Variants in GATA3 observed in about 807,000 individuals in gnomAD.
The protein encoded by GATA3 is trans-acting T-cell-specific transcription factor GATA-3.
In GATA3, 6 loss-of-function variants were observed where a neutral mutation model predicts 36.0. The ratio of observed to expected loss-of-function variants is 0.17; its 90% confidence interval spans 0.09 to 0.33. The LOEUF (loss-of-function observed/expected upper bound fraction) is 0.33, where lower values mean the gene tolerates loss of function less well. GATA3 is among the 10% of genes least tolerant of loss of function. GATA3 has a pLI of 1.00. For synonymous variants in GATA3, 326 were observed against 273.0 expected (o/e 1.19, Z -1.92); for missense variants, 514 against 610.1 (o/e 0.84, Z 1.66).
At position 8,058,760 on chromosome 10, in the gene GATA3, C is replaced by A. The variant is rs1564399276; in HGVS notation, c.697C>A (p.Leu233Ile). 1.2e-6 allele frequency: 2 copies of A among 1,611,214 alleles called. No homozygotes were observed. Among genetic ancestry groups the A allele is most frequent in the East Asian group, 2.2e-5 (1 of 44,842 alleles). ...PPYVPEYSSG[L>I]FPPSSLLGGS... ...CTACGTGCCCGAGTACAGCTCCGGA[C>A]TCTTCCCCCCCAGCAGCCTGCTGGG... is the stretch of plus-strand genomic sequence containing the variant. The change falls in exon 3 of 6, where the codon CTC becomes ATC. Residue 233 changes from leucine to isoleucine, a missense_variant. This residue lies in a region of GATA3 where 381 missense variants were observed against 354.3 expected (regional missense o/e 1.08). Coordinates refer to ENST00000379328, the MANE Select transcript of GATA3 (RefSeq NM_001002295.2).
chr10:8,061,089 C>CTCTCTCT (rs754738004), intron 3 of GATA3, among the ~76,000 whole-genome samples: 1 of 145,734 alleles, frequency 6.9e-6, no homozygotes, highest in Non-Finnish European at 1.5e-5. Context: ...CTCTCTCTCT[C>CTCTCTCT]TTTTTTACCC....
upstream of GATA3, chr10:8,045,338 T>A (rs1832374545): frequency 6.6e-6 from 1 of 152,440 alleles, no homozygotes; most frequent in Non-Finnish European, 1.5e-5. Context: ...AGAACGTACA[T>A]CGCCCAGGTT....
chr10:8,070,360 A>G (rs1184070234), intron 5 of GATA3, among the ~76,000 whole-genome samples: 1 of 151,032 alleles, frequency 6.6e-6, no homozygotes, highest in Non-Finnish European at 1.5e-5. Flanking sequence ...AACATATCTT[A>G]ATCTTAAAAA....
At chr10:8,057,701 G>C (rs1832664342) in intron 2 of GATA3, among the ~76,000 whole-genome samples, 1 of 152,138 alleles carries the variant, frequency 6.6e-6, no homozygotes, top group Non-Finnish European at 1.5e-5. Context: ...ACTGGGTTAG[G>C]TTTCCGGAAA....
rs2131511615 is a variant in GATA3, at chr10:8,069,488, G to C, written c.940G>C (p.Ala314Pro). ...CCACTCTCAGTCTGCAGCCAGGAGA[G>C]CAGGGACGTCCTGTGCGAACTGTCA... ...PKRRLSAARR[A>P]GTSCANCQTT... Residue 314 changes from alanine (A) to proline (P), a missense_variant, in exon 5 of 6, where the codon GCA (alanine) becomes CCA (proline). This residue lies in a region of GATA3 where 44 missense variants were observed against 151.5 expected (regional missense o/e 0.29). Transcript: ENST00000379328. 6.2e-7 allele frequency: 1 copy of C among 1,613,722 alleles called. No individual in the cohort carries two copies. Among genetic ancestry groups the C allele is most frequent in the Non-Finnish European group, 8.5e-7 (1 of 1,179,942 alleles).
chr10:8,046,455 T>G (rs959629237), intron 1 of GATA3, among the ~76,000 whole-genome samples: 1 of 152,150 alleles, frequency 6.6e-6, no homozygotes, highest in Non-Finnish European at 1.5e-5. Context: ...ACCAGGATGC[T>G]GGGGTCGCAG....
chr10:8,053,134 T>TG (rs1832542653), upstream of GATA3: 1 of 152,212 alleles, frequency 6.6e-6, no homozygotes, highest in Non-Finnish European at 1.5e-5. The surrounding 1 kb of genome is among the most constrained non-coding windows in gnomAD (Gnocchi z 5.1). Context: ...AAGGTGAAGT[T>TG]GAATATTGTT....
chr10:8,068,841 T>C (rs1832886438), intron 4 of GATA3, among the ~76,000 whole-genome samples: 1 of 152,256 alleles, frequency 6.6e-6, no homozygotes, highest in Non-Finnish European at 1.5e-5. Flanking sequence ...CTCAGGTGTG[T>C]CACCCATGTG....
intron 1 of GATA3, among the ~76,000 whole-genome samples, chr10:8,047,251 C>T (rs1832402992): frequency 6.6e-6 from 1 of 152,174 alleles, no homozygotes; most frequent in African/African-American, 2.4e-5. Context: ...TGGCTGAAAA[C>T]CCCTCTTCTG....
upstream of GATA3, among the ~76,000 whole-genome samples, chr10:8,049,310 C>A (rs898650017): frequency 9.2e-5 from 14 of 152,162 alleles, no homozygotes; most frequent in Non-Finnish European, 1.9e-4. Context: ...GTTTTAGGGT[C>A]CCTCTTTCTC....
chr10:8,067,618 A>C (rs559180883), intron 4 of GATA3, among the ~76,000 whole-genome samples: 1 of 152,106 alleles, frequency 6.6e-6, no homozygotes, highest in Non-Finnish European at 1.5e-5. Flanking sequence ...GGAGATAGAG[A>C]CCATCCTGGC....
rs1832979223 is a variant in GATA3, at chr10:8,074,224, G to A, written c.*201G>A. ...CAACCACTGAATCTGGACCCCATCTGTGAATAAGCCATTCTGACTCATATC... is the reference window on the plus strand; with the variant it reads ...CAACCACTGAATCTGGACCCCATCTATGAATAAGCCATTCTGACTCATATC... On this transcript the variant is annotated 3_prime_UTR_variant, in exon 6 of 6. Transcript: ENST00000379328. 1.6e-6 allele frequency: 1 copy of A among 612,036 alleles called. No homozygotes were observed. The highest frequency in any genetic ancestry group is 2.8e-6 in the Non-Finnish European group (1 of 352,266). 37.9% of individuals were successfully genotyped at this position (612,036 alleles called of 1,614,324 possible).
intron 4 of GATA3, among the ~76,000 whole-genome samples, chr10:8,068,054 A>G (rs1458960161): frequency 6.6e-6 from 1 of 152,124 alleles, no homozygotes; most frequent in Non-Finnish European, 1.5e-5. Flanking sequence ...GAGGAGAGAG[A>G]GGTTTACATT....
intron 4 of GATA3, among the ~76,000 whole-genome samples, chr10:8,066,128 A>C (rs967390150): frequency 6.6e-6 from 1 of 152,010 alleles, no homozygotes; most frequent in Admixed American, 6.5e-5. Context: ...AAAAGTCTCA[A>C]GGCATGGGCT....
At chr10:8,049,097 GA>G (rs911636900), upstream of GATA3, among the ~76,000 whole-genome samples, 4 of 137,068 alleles carry the variant, frequency 2.9e-5, no homozygotes, top group South Asian at 2.3e-4. Flanking sequence ...CAAACAAACA[GA>G]AAAAAAAAGA....
At chr10:8,053,793 G>C (rs1832561860), upstream of GATA3, 1 of 152,258 alleles carries the variant, frequency 6.6e-6, no homozygotes, top group African/African-American at 2.4e-5. The surrounding 1 kb of genome is among the most constrained non-coding windows in gnomAD (Gnocchi z 5.1). Flanking sequence ...GTAGGGCTCC[G>C]GGCGGGGCGA....
chr10:8,069,231 G>A (rs539664260), intron 4 of GATA3, among the ~76,000 whole-genome samples: 1 of 152,266 alleles, frequency 6.6e-6, no homozygotes, highest in East Asian at 1.9e-4. Context: ...CTACCGGGGA[G>A]CAGCAGGTGA....
rs371364728 is a variant in GATA3 at position 8,058,934 on chromosome 10, C to G, written c.778+93C>G. The G allele has an allele frequency of 2.0e-5, 24 of 1,212,500 alleles. No individual in the cohort carries two copies. The South Asian group carries it at 2.3e-4, about 12-fold the overall frequency. 75.1% of individuals were successfully genotyped at this position (1,212,500 alleles called of 1,614,324 possible). A position where few individuals can be genotyped will look rare whatever the true frequency, so the allele number is the denominator to read the frequency against. ...ACCCAGAGGGACCCCTCAGGGGAGC[C>G]GGGGTGTCCCAAAGCCTGCTGAGAT... On this transcript the variant is annotated intron_variant, in intron 3 of 5. Coordinates refer to ENST00000379328, the MANE Select transcript of GATA3 (RefSeq NM_001002295.2).
chr10:8,059,588 G>C (rs1832714594), intron 3 of GATA3, among the ~76,000 whole-genome samples: 1 of 152,218 alleles, frequency 6.6e-6, no homozygotes, highest in South Asian at 2.1e-4. Flanking sequence ...TGCAGCCAGA[G>C]GAGGTAGAAA....
Sources: allele counts gnomAD v4.1 joint callset (sites outside exome capture counted in the v4.1 genomes callset), GRCh38; gene constraint gnomAD v4.1.1; regional missense constraint gnomAD v4.1.1; non-coding constraint Gnocchi (gnomAD v3.1); transcripts MANE v1.5; gene names NCBI Gene and HGNC (gene_info 2026-07-23, HGNC 2026-07-21).